TOX4: variants seen among roughly 807,000 people sequenced by gnomAD.
TOX4 encodes epidermal Langerhans cell protein LCP1.
Under a neutral mutation model 61.0 loss-of-function variants are expected in TOX4, and 12 were observed. The ratio of observed to expected loss-of-function variants is 0.20; its 90% CI spans 0.13 to 0.32. The LOEUF is 0.32. Among genes scored for constraint, TOX4 ranks in the 10% least tolerant of loss-of-function variants. TOX4 has a pLI of 1.00. For missense variants in TOX4, 499 were observed against 753.3 expected (o/e 0.66, Z 3.95); for synonymous variants, 268 against 274.8 (o/e 0.98, Z 0.24).
chr14:21,490,131 A>C (rs963424446), intron 5 of TOX4, among the ~76,000 whole-genome samples: 3 of 151,734 alleles, frequency 2.0e-5, no homozygotes, highest in African/African-American at 7.3e-5. Flanking sequence ...TGTTTGTGTC[A>C]CTGCACTCCA....
rs1891376585 is a variant in TOX4, at chr14:21,495,260, T to G, written c.1673T>G (p.Leu558Trp). The G allele has an allele frequency of 3.7e-6, 6 of 1,614,154 alleles. No individual in the cohort carries two copies. Among genetic ancestry groups the G allele is most frequent in the South Asian group, 1.1e-5 (1 of 91,080 alleles). Residue 558 changes from leucine to tryptophan, a missense_variant, in exon 8 of 9, where the codon TTG becomes TGG. Transcript: ENST00000448790. The stretch of plus-strand genomic sequence containing the variant: ...TCTCCTTCTCAGATGGATGTTGAAT[T>G]GGTGAGTGGGTCTCCTGTGGCACTC... ...VESPSQMDVE[L>W]VSGSPVALSP... is the part of the protein sequence containing the mutation.
chr14:21,492,070 T>C, intron 5 of TOX4: 1 of 425,446 alleles, frequency 2.4e-6, no homozygotes, highest in Non-Finnish European at 4.2e-6. Flanking sequence ...TAGCTATTCT[T>C]GCCAGACTCC....
rs756674584 is a variant in TOX4 at position 21,486,453 on chromosome 14, T to C, written c.76-998T>C. ...AGGCAATGTGCTAAGATTTTATGCATGAAATCTCACTTATCCTCATAATAA... is the reference window on the plus strand; with the variant it reads ...AGGCAATGTGCTAAGATTTTATGCACGAAATCTCACTTATCCTCATAATAA... On this transcript the variant is annotated intron_variant, in intron 2 of 8. Coordinates refer to ENST00000448790, the MANE Select transcript of TOX4 (RefSeq NM_014828.4). Among the ~76,000 whole-genome samples the C allele has an allele frequency of 4.1e-5, 6 of 144,906 alleles. 2 individuals carry two copies. The highest frequency in any genetic ancestry group is 9.1e-5 in the Non-Finnish European group (6 of 65,904).
intron 2 of TOX4, among the ~76,000 whole-genome samples, chr14:21,478,545 A>G (rs939334129): frequency 6.6e-6 from 1 of 152,258 alleles, no homozygotes; most frequent in African/African-American, 2.4e-5. Flanking sequence ...GTCATAATAT[A>G]GATATGTATC....
rs768469384 is a variant in TOX4, at chr14:21,487,588, C to G, written c.213C>G (p.Gly71=). The part of the protein sequence containing the change: ...DLADPSSSQD[G]SFSAQYGVQT... ...CAGACCCTTCCTCTTCACAGGATGGCAGTTTTTCAGCCCAGTATGGGGTCC... is the reference window on the plus strand; with the variant it reads ...CAGACCCTTCCTCTTCACAGGATGGGAGTTTTTCAGCCCAGTATGGGGTCC... Residue 71 remains glycine (G), a synonymous_variant, in exon 3 of 9, where the codon GGC becomes GGG. Transcript: ENST00000448790. 3 of 1,614,166 alleles carry G rather than the reference C, an allele frequency of 1.9e-6. No individual in the cohort carries two copies. In the Admixed American group the frequency reaches 5.0e-5, roughly 27 times the overall value.
intron 5 of TOX4, among the ~76,000 whole-genome samples, chr14:21,491,081 T>C (rs1265597901): frequency 6.6e-6 from 1 of 152,262 alleles, no homozygotes; most frequent in Non-Finnish European, 1.5e-5. Context: ...TGCCTTGTCC[T>C]CCCAACGTGC....
At chr14:21,481,611 C>T (rs145289583) in intron 2 of TOX4, among the ~76,000 whole-genome samples, 5 of 152,274 alleles carry the variant, frequency 3.3e-5, no homozygotes, top group Non-Finnish European at 7.3e-5. Context: ...GATATGTACA[C>T]AACAGAAATG....
rs1394765727 is a variant in TOX4 at position 21,488,602 on chromosome 14, T to G, written c.331T>G (p.Ser111Ala). ...SGGLTMDLDH[S>A]IGTQYSANPP... ...CTGCTTCTCTCAGGACTTGGACCAC[T>G]CTATAGGAACTCAGTATAGTGCCAA... Residue 111 changes from serine to alanine, a missense_variant, in exon 4 of 9, where the codon TCT (serine) becomes GCT (alanine). Physicochemically the swap from Ser to Ala is moderately conservative, Grantham distance 99 (BLOSUM62 1). This residue lies in a region of TOX4 where 90 missense variants were observed against 109.5 expected (regional missense o/e 0.82). Coordinates refer to ENST00000448790, the MANE Select transcript of TOX4 (RefSeq NM_014828.4). The G allele has an allele frequency of 6.2e-7, 1 of 1,614,064 alleles. No homozygotes were observed. Among genetic ancestry groups the G allele is most frequent in the Non-Finnish European group, 8.5e-7 (1 of 1,180,036 alleles).
intron 2 of TOX4, among the ~76,000 whole-genome samples, chr14:21,479,463 A>G (rs1312371611): frequency 6.6e-6 from 1 of 151,982 alleles, no homozygotes; most frequent in Non-Finnish European, 1.5e-5. Context: ...AGCCTGACCA[A>G]CATGTGAAAC....
intron 5 of TOX4, 34 bp from the exon 6 acceptor site, chr14:21,492,262 T>G: frequency 6.8e-7 from 1 of 1,471,942 alleles, no homozygotes; most frequent in South Asian, 1.2e-5. Flanking sequence ...GTATGGGGAG[T>G]TTTGTTTTTT....
intron 2 of TOX4, among the ~76,000 whole-genome samples, chr14:21,481,815 A>T (rs544544313): frequency 1.6e-4 from 24 of 152,352 alleles, no homozygotes; most frequent in Non-Finnish European, 3.4e-4. Context: ...AAAGACAGAC[A>T]TAAAAGAGAA....
Position 21,492,594 on chromosome 14 carries a change from T to G in TOX4, c.978T>G (p.Ser326=). The part of the protein sequence containing the change: ...PPPMATVDPA[S]PAPASIEPPA... Reference sequence around the variant, plus strand: ...CTATGGCTACTGTTGACCCAGCATCTCCAGCACCAGCTTCAATAGAGCCCC... The same window carrying G: ...CTATGGCTACTGTTGACCCAGCATCGCCAGCACCAGCTTCAATAGAGCCCC... The change falls in exon 7 of 9, where the codon TCT becomes TCG. Residue 326 remains serine, a synonymous_variant. Coordinates refer to ENST00000448790, the MANE Select transcript of TOX4 (RefSeq NM_014828.4). 6.2e-7 allele frequency: 1 copy of G among 1,613,864 alleles called. No homozygotes were observed.
At chr14:21,488,039 C>G in intron 3 of TOX4, 1 of 175,364 alleles carries the variant, frequency 5.7e-6, no homozygotes, top group Admixed American at 6.1e-5. Context: ...TGGCCTGAAT[C>G]ACGTTGAGCA....
At chr14:21,487,736 A>G (rs1404244049) in intron 3 of TOX4, 43 bp downstream of exon 3, 1 of 1,578,172 alleles carries the variant, frequency 6.3e-7, no homozygotes, top group Non-Finnish European at 8.6e-7. Context: ...GCTAATGGGC[A>G]TGGCATTAGG....
At chr14:21,493,782 G>A (rs940911715) in intron 7 of TOX4, among the ~76,000 whole-genome samples, 7 of 150,076 alleles carry the variant, frequency 4.7e-5, no homozygotes, top group East Asian at 2.0e-4. Context: ...ACGGAGTCTC[G>A]CTCTGTTGCC....
chr14:21,488,552 TATATTTA>T (rs1363065064), intron 3 of TOX4, 31 bp from the exon 4 acceptor site: 1 of 1,577,692 alleles, frequency 6.3e-7, no homozygotes, highest in Non-Finnish European at 8.7e-7. Context: ...TGGTTTTTTT[TATATTTA>T]GTGTTTAATT....
At chr14:21,487,126 G>T (rs1042647076) in intron 2 of TOX4, among the ~76,000 whole-genome samples, 4 of 152,120 alleles carry the variant, frequency 2.6e-5, no homozygotes, top group African/African-American at 9.7e-5. Flanking sequence ...GGTTATAAAG[G>T]CTATGTCCTA....
Position 21,477,288 on chromosome 14 carries a change from G to C in TOX4, c.6+4G>C, listed in dbSNP as rs945350059. The C allele has an allele frequency of 4.3e-6, 7 of 1,613,952 alleles. No homozygotes were observed. Among genetic ancestry groups the C allele is most frequent in the African/African-American group, 1.3e-5 (1 of 74,928 alleles). Reference sequence around the variant, plus strand: ...GAGCGGTTGTGTGAAGATGGAGGTAGGAACCTGATAGCTAAGAAGGCTGGC... The same window carrying C: ...GAGCGGTTGTGTGAAGATGGAGGTACGAACCTGATAGCTAAGAAGGCTGGC... On this transcript the variant is annotated splice_donor_region_variant and intron_variant, in intron 1 of 8. Coordinates refer to ENST00000448790, the MANE Select transcript of TOX4 (RefSeq NM_014828.4).
intron 2 of TOX4, among the ~76,000 whole-genome samples, chr14:21,478,688 G>C (rs533014245): frequency 6.6e-6 from 1 of 152,276 alleles, no homozygotes; most frequent in South Asian, 2.1e-4. Context: ...TGGACCATTT[G>C]CATCAGTTTT....
Sources: allele counts gnomAD v4.1 joint callset (sites outside exome capture counted in the v4.1 genomes callset), GRCh38; gene constraint gnomAD v4.1.1; regional missense constraint gnomAD v4.1.1; transcripts MANE v1.5; gene names NCBI Gene and HGNC (gene_info 2026-07-23, HGNC 2026-07-21).